The following PCDHA11 variants were observed in gnomAD, a reference collection of about 807,000 sequenced individuals.
PCDHA11 encodes the protein protocadherin alpha-11.
A neutral mutation model predicts 70.3 loss-of-function variants in PCDHA11; 61 were observed. That is an observed-to-expected ratio of 0.87 (90% CI 0.71 to 1.07). The LOEUF is 1.07. Ranked by LOEUF, PCDHA11 falls within the 50% of genes least tolerant of loss-of-function variation. The probability of loss-of-function intolerance (pLI) is 0.00; values close to 1 mark genes in which losing one functional copy is unlikely to be tolerated. For missense variants in PCDHA11, 1,324 were observed against 1,237.5 expected, an observed-to-expected ratio of 1.07 and a Z score of -1.05; for synonymous variants, 633 against 555.1, an observed-to-expected ratio of 1.14 and a Z score of -1.97.
intron 1 of PCDHA11, among the ~76,000 whole-genome samples, chr5:140,958,710 A>G (rs1446140877): frequency 1.3e-5 from 2 of 152,210 alleles, no homozygotes; most frequent in Non-Finnish European, 2.9e-5. Flanking sequence ...CAACTCTGTT[A>G]TAATAAATGT....
At chr5:140,967,453 C>T in intron 1 of PCDHA11, 1 of 1,613,556 alleles carries the variant, frequency 6.2e-7, no homozygotes, top group South Asian at 1.1e-5. Context: ...TTCTCACAGC[C>T]GTGGATGGGG....
intron 1 of PCDHA11, among the ~76,000 whole-genome samples, chr5:140,901,632 G>A (rs768343428): frequency 6.6e-5 from 10 of 152,172 alleles, no homozygotes; most frequent in Non-Finnish European, 1.3e-4. Flanking sequence ...GTCAGGTAAT[G>A]TGATTCTTCC....
chr5:140,966,240 G>A (rs1372436745), intron 1 of PCDHA11: 3 of 306,008 alleles, frequency 9.8e-6, no homozygotes, highest in Non-Finnish European at 1.8e-5. Flanking sequence ...GACCCGTTAA[G>A]CAGGGGAGAG....
chr5:140,952,157 T>TG (rs771517820), intron 1 of PCDHA11, among the ~76,000 whole-genome samples: 33 of 152,162 alleles, frequency 2.2e-4, no homozygotes, highest in Non-Finnish European at 4.3e-4. Flanking sequence ...TGTGGCTTTG[T>TG]GGGGTTCAGT....
chr5:140,927,688 G>T (rs2084510856), intron 1 of PCDHA11: 1 of 1,613,944 alleles, frequency 6.2e-7, no homozygotes, highest in African/African-American at 1.3e-5. Flanking sequence ...AGGGTCCAAT[G>T]GGGAAGTCCA....
intron 1 of PCDHA11, among the ~76,000 whole-genome samples, chr5:140,890,676 C>T (rs1377876863): frequency 3.3e-5 from 5 of 152,164 alleles, no homozygotes; most frequent in African/African-American, 1.2e-4. Flanking sequence ...AACCCTTCCT[C>T]CTTCTGGGAA....
chr5:140,878,333 G>C (rs947043628), intron 1 of PCDHA11, among the ~76,000 whole-genome samples: 4 of 152,000 alleles, frequency 2.6e-5, no homozygotes, highest in Admixed American at 6.5e-5. Flanking sequence ...TATATTCCAG[G>C]TATTATCACA....
intron 1 of PCDHA11, among the ~76,000 whole-genome samples, chr5:140,936,049 C>A (rs1185871662): frequency 1.3e-5 from 2 of 151,974 alleles, no homozygotes; most frequent in African/African-American, 2.4e-5. Context: ...CCCACCACCA[C>A]ACCCGGCTAA....
chr5:140,878,273 G>T (rs2057527007), intron 1 of PCDHA11, among the ~76,000 whole-genome samples: 1 of 152,096 alleles, frequency 6.6e-6, no homozygotes, highest in Non-Finnish European at 1.5e-5. Flanking sequence ...TTTTAAAATA[G>T]CCTTCTTGAT....
intron 1 of PCDHA11, chr5:140,876,827 C>T (rs1554168978): frequency 6.2e-7 from 1 of 1,614,182 alleles, no homozygotes; most frequent in Admixed American, 1.7e-5. Context: ...AACGACAATG[C>T]GCCTGCGTTC....
At chr5:140,980,623 T>C (rs1554242045) in intron 2 of PCDHA11, among the ~76,000 whole-genome samples, 1 of 152,102 alleles carries the variant, frequency 6.6e-6, no homozygotes, top group African/African-American at 2.4e-5. Flanking sequence ...TGCGAGACTC[T>C]GTCTCAGAAG....
intron 1 of PCDHA11, among the ~76,000 whole-genome samples, chr5:140,961,917 T>G (rs2095643057): frequency 6.6e-6 from 1 of 151,470 alleles, no homozygotes; most frequent in Non-Finnish European, 1.5e-5. Flanking sequence ...GGAGTCTCGC[T>G]CTGTTGCCCA....
rs2098416049 is a variant in PCDHA11, at chr5:141,010,101, T to G, written c.*164T>G. The G allele has an allele frequency of 6.2e-6, 10 of 1,612,488 alleles. No homozygotes were observed. Among genetic ancestry groups the G allele is most frequent in the Non-Finnish European group, 8.5e-6 (10 of 1,179,154 alleles). ...GTCTGTCTAGAACGCATTTAACAGG[T>G]TTTGTCGTAAAAGCTTTACTAAGTC... On this transcript the variant is annotated 3_prime_UTR_variant, in exon 4 of 4. Transcript: ENST00000398640.
chr5:140,993,462 T>TCTCACACACACA (rs1235362335), intron 3 of PCDHA11, among the ~76,000 whole-genome samples: 1 of 140,938 alleles, frequency 7.1e-6, no homozygotes, highest in African/African-American at 2.6e-5. Context: ...TCTTTCTTTC[T>TCTCACACACACA]CACACACACA....
intron 1 of PCDHA11, among the ~76,000 whole-genome samples, chr5:140,897,478 G>T (rs1554187409): frequency 1.3e-5 from 2 of 151,844 alleles, no homozygotes; most frequent in African/African-American, 4.8e-5. Flanking sequence ...TGAGAATGAT[G>T]ATTTCCAATT....
chr5:140,900,644 C>G (rs1554189317), intron 1 of PCDHA11, among the ~76,000 whole-genome samples: 1 of 152,180 alleles, frequency 6.6e-6, no homozygotes. Context: ...ATTGTGAACA[C>G]TGCTGCAATG....
intron 1 of PCDHA11, among the ~76,000 whole-genome samples, chr5:140,881,754 A>G (rs1554172477): frequency 6.6e-6 from 1 of 152,212 alleles, no homozygotes; most frequent in African/African-American, 2.4e-5. Context: ...CAGTACCACA[A>G]AAACCTACAT....
intron 1 of PCDHA11, among the ~76,000 whole-genome samples, chr5:140,915,767 C>T (rs1554197085): frequency 6.6e-6 from 1 of 151,976 alleles, no homozygotes; most frequent in Non-Finnish European, 1.5e-5. Context: ...TGGGTCTTGT[C>T]CAAGGCCTGC....
Position 140,870,528 on chromosome 5 carries a change from A to T in PCDHA11, c.1425A>T (p.Thr475=). Residue 475 remains threonine (T), a synonymous_variant, in exon 1 of 4, where the codon ACA becomes ACT. Transcript: ENST00000398640. The part of the protein sequence containing the change: ...ENNPPGCHIF[T]VSARDADAQE... ...ACCCACCAGGCTGCCACATCTTCACAGTGTCGGCGCGGGACGCGGACGCGC... is the reference window on the plus strand; with the variant it reads ...ACCCACCAGGCTGCCACATCTTCACTGTGTCGGCGCGGGACGCGGACGCGC... 6.8e-6 allele frequency: 11 copies of T among 1,614,214 alleles called. No homozygotes were observed. The highest frequency in any genetic ancestry group is 7.6e-6 in the Non-Finnish European group (9 of 1,180,042).
Sources: gnomAD v4.1 joint callset for allele counts (sites outside exome capture counted in the v4.1 genomes callset) on GRCh38, gnomAD v4.1.1 for gene constraint, MANE v1.5 for transcripts, NCBI Gene and HGNC (gene_info 2026-07-23, HGNC 2026-07-21) for gene names.